Variants in PPP3CA observed in about 807,000 individuals in gnomAD.
PPP3CA encodes CAM-PRP catalytic subunit.
A neutral mutation model predicts 66.5 loss-of-function variants in PPP3CA; 14 were observed. The ratio of observed to expected loss-of-function variants is 0.21; its 90% CI spans 0.14 to 0.33. The LOEUF (loss-of-function observed/expected upper bound fraction) is 0.33, where lower values mean the gene tolerates loss of function less well. Among genes scored for constraint, PPP3CA ranks in the 10% least tolerant of loss-of-function variants. The probability of loss-of-function intolerance (pLI) is 1.00; values close to 1 mark genes in which losing one functional copy is unlikely to be tolerated. For synonymous variants in PPP3CA, 232 were observed against 226.2 expected, an observed-to-expected ratio of 1.03 and a Z score of -0.23; for missense variants, 317 against 639.5, an observed-to-expected ratio of 0.50 and a Z score of 5.44.
At chr4:101,152,171 T>C (rs1343460400) in intron 2 of PPP3CA, among the ~76,000 whole-genome samples, 1 of 152,212 alleles carries the variant, frequency 6.6e-6, no homozygotes, top group Admixed American at 6.5e-5. Flanking sequence ...AAGATGTTTT[T>C]AATTTATTCT....
chr4:101,141,823 A>G (rs1274856136), intron 2 of PPP3CA, among the ~76,000 whole-genome samples: 1 of 152,234 alleles, frequency 6.6e-6, no homozygotes, highest in Non-Finnish European at 1.5e-5. Flanking sequence ...CTGACTTATT[A>G]ATCAGTGACT....
chr4:101,304,151 G>A (rs1013749646), intron 1 of PPP3CA, among the ~76,000 whole-genome samples: 12 of 152,158 alleles, frequency 7.9e-5, no homozygotes, highest in African/African-American at 2.9e-4. Context: ...CTTAACATGT[G>A]TACAAAGACC....
At chr4:101,090,194 T>C (rs573003446) in intron 6 of PPP3CA, among the ~76,000 whole-genome samples, 4 of 152,290 alleles carry the variant, frequency 2.6e-5, no homozygotes, top group South Asian at 2.1e-4. Context: ...CAAAAAGCTG[T>C]AGGAGAATGA....
chr4:101,036,959 G>T lies in PPP3CA; in HGVS notation c.1241+3523C>A, dbSNP rs1216256699. 3.3e-5 allele frequency among the ~76,000 whole-genome samples: 5 copies of T among 152,162 alleles called. No homozygotes were observed. In the South Asian group the frequency reaches 1.0e-3, roughly 32 times the overall value. On this transcript the variant is annotated intron_variant, in intron 11 of 13. Transcript: ENST00000394854. ...CTTGTAGCCTCTCATATAGGTAAGG[G>T]TTCTCACAGCCAACACCGGAAATCT...
At chr4:101,177,325 T>C (rs1026401532) in intron 2 of PPP3CA, among the ~76,000 whole-genome samples, 3 of 152,116 alleles carry the variant, frequency 2.0e-5, no homozygotes, top group Non-Finnish European at 4.4e-5. Context: ...AATGCATTCA[T>C]AGAATGAAAA....
chr4:101,112,674 A>C (rs191037476), intron 2 of PPP3CA, among the ~76,000 whole-genome samples: 24 of 152,314 alleles, frequency 1.6e-4, no homozygotes, highest in Non-Finnish European at 3.1e-4. Flanking sequence ...TCATCCATAA[A>C]GTCTCACATA....
intron 2 of PPP3CA, among the ~76,000 whole-genome samples, chr4:101,120,888 G>A (rs1247881755): frequency 6.6e-6 from 1 of 151,974 alleles, no homozygotes; most frequent in Non-Finnish European, 1.5e-5. Flanking sequence ...ATTTACATAT[G>A]TGGCTGTCTC....
At chr4:101,248,107 G>T (rs1033629790) in intron 1 of PPP3CA, among the ~76,000 whole-genome samples, 2 of 152,172 alleles carry the variant, frequency 1.3e-5, no homozygotes, top group South Asian at 2.1e-4. Flanking sequence ...CTATCTGTTG[G>T]TTGTTGGCAA....
At chr4:101,124,736 AAAG>A (rs1722174420) in intron 2 of PPP3CA, among the ~76,000 whole-genome samples, 1 of 72,602 alleles carries the variant, frequency 1.4e-5, no homozygotes. Context: ...AGAAAGAAAG[AAAG>A]AAAGAAAGAA....
At chr4:101,334,728 C>T (rs1729570128) in intron 1 of PPP3CA, among the ~76,000 whole-genome samples, 1 of 152,064 alleles carries the variant, frequency 6.6e-6, no homozygotes, top group South Asian at 2.1e-4. Flanking sequence ...CCAAATGTGC[C>T]TACCTAAATG....
In PPP3CA at chr4:101,039,436, C is replaced by T. The variant is rs529788118; in HGVS notation, c.1241+1046G>A. Among the ~76,000 whole-genome samples the T allele has an allele frequency of 6.1e-4, 89 of 144,886 alleles. 17 individuals are homozygous for T. In the South Asian group the frequency reaches 0.019, roughly 31 times the overall value. The stretch of plus-strand genomic sequence containing the variant: ...TAAGCCCTGAAAATGTAGTTGGAAA[C>T]GTACAGCAATAGAGCAAAGGTAGCC... On this transcript the variant is annotated intron_variant, in intron 11 of 13. Transcript: ENST00000394854.
At chr4:101,117,302 TA>T (rs1721866729) in intron 2 of PPP3CA, among the ~76,000 whole-genome samples, 1 of 151,904 alleles carries the variant, frequency 6.6e-6, no homozygotes, top group African/African-American at 2.4e-5. Flanking sequence ...GTCTACATGT[TA>T]AAAACTATTT....
At chr4:101,171,350 C>CAAA (rs35058537) in intron 2 of PPP3CA, 448 of 191,444 alleles carry the variant, frequency 2.3e-3, no homozygotes, top group South Asian at 5.1e-3. Context: ...ACAATTCTTT[C>CAAA]AAAAAAAAAA....
At chr4:101,316,164 G>A (rs1445836430) in intron 1 of PPP3CA, among the ~76,000 whole-genome samples, 1 of 151,730 alleles carries the variant, frequency 6.6e-6, no homozygotes, top group East Asian at 1.9e-4. Context: ...CTGGCTGGGT[G>A]GCAATGTGTT....
intron 3 of PPP3CA, among the ~76,000 whole-genome samples, chr4:101,108,366 T>A (rs906656126): frequency 6.6e-6 from 1 of 152,216 alleles, no homozygotes; most frequent in African/African-American, 2.4e-5. Flanking sequence ...GAAAATGGAA[T>A]TATTTATTGT....
At chr4:101,095,675 G>A (rs543907595) in intron 5 of PPP3CA, among the ~76,000 whole-genome samples, 4 of 152,182 alleles carry the variant, frequency 2.6e-5, no homozygotes, top group Non-Finnish European at 4.4e-5. Context: ...TTTTTGAGAC[G>A]GAGTCTCCCT....
chr4:101,048,007 G>C (rs967532471), intron 10 of PPP3CA, among the ~76,000 whole-genome samples: 1 of 151,978 alleles, frequency 6.6e-6, no homozygotes, highest in African/African-American at 2.4e-5. Flanking sequence ...AAGAGGGGAG[G>C]GAAATTACAT....
intron 2 of PPP3CA, among the ~76,000 whole-genome samples, chr4:101,155,164 C>G (rs1388546306): frequency 6.6e-6 from 1 of 152,026 alleles, no homozygotes; most frequent in Non-Finnish European, 1.5e-5. Flanking sequence ...TTAAAACATA[C>G]AAACAAACAA....
intron 1 of PPP3CA, among the ~76,000 whole-genome samples, chr4:101,301,038 A>C (rs1728359431): frequency 6.6e-6 from 1 of 152,146 alleles, no homozygotes; most frequent in South Asian, 2.1e-4. Flanking sequence ...AATCATTCCA[A>C]ACATCCTTAA....
Sources: gnomAD v4.1 joint callset for allele counts (sites outside exome capture counted in the v4.1 genomes callset) on GRCh38, gnomAD v4.1.1 for gene constraint, MANE v1.5 for transcripts, NCBI Gene and HGNC (gene_info 2026-07-23, HGNC 2026-07-21) for gene names.